The following SEC22C variants were observed in gnomAD, a reference collection of about 807,000 sequenced individuals.
SEC22C encodes the protein vesicle-trafficking protein SEC22c.
Under a neutral mutation model 34.7 loss-of-function variants are expected in SEC22C, and 29 were observed. The ratio of observed to expected loss-of-function variants is 0.84; its 90% CI spans 0.62 to 1.14. SEC22C has a LOEUF of 1.14. SEC22C is among the 50% of genes most tolerant of loss of function. The probability of loss-of-function intolerance (pLI) is 0.00; values close to 1 mark genes in which losing one functional copy is unlikely to be tolerated. For missense variants in SEC22C, 337 were observed against 369.0 expected, an observed-to-expected ratio of 0.91 and a Z score of 0.71; for synonymous variants, 117 against 132.8, an observed-to-expected ratio of 0.88 and a Z score of 0.82.
At chr3:42,596,296 A>G (rs1194400844) in intron 1 of SEC22C, among the ~76,000 whole-genome samples, 1 of 152,178 alleles carries the variant, frequency 6.6e-6, no homozygotes, top group Non-Finnish European at 1.5e-5. Flanking sequence ...TGCTGGGATT[A>G]CAGGCGTAAG....
chr3:42,591,025 C>T, intron 1 of SEC22C: 1 of 1,532,590 alleles, frequency 6.5e-7, no homozygotes, highest in Non-Finnish European at 8.8e-7. Flanking sequence ...CGAGGGGCTG[C>T]GGGGTGCGAG....
In SEC22C at chr3:42,568,715, T is replaced by C. The variant is rs181243206; in HGVS notation, c.182+150A>G. ...GCTCTAAGAAAACCCATTTCTTTTA[T>C]GATTCTGTTGTAGACACACATGATC... is the stretch of plus-strand genomic sequence containing the variant. On this transcript the variant is annotated intron_variant, in intron 2 of 6. Coordinates refer to ENST00000264454, the MANE Select transcript of SEC22C (RefSeq NM_032970.4). 5.1e-6 allele frequency: 3 copies of C among 583,978 alleles called. No individual in the cohort carries two copies. In the African/African-American group the frequency reaches 5.7e-5, roughly 11 times the overall value. 36.2% of individuals were successfully genotyped at this position (583,978 alleles called of 1,614,324 possible). A position where few individuals can be genotyped will look rare whatever the true frequency, so the allele number is the denominator to read the frequency against.
At chr3:42,593,412 G>A (rs1276071351) in intron 1 of SEC22C, among the ~76,000 whole-genome samples, 5 of 152,106 alleles carry the variant, frequency 3.3e-5, no homozygotes, top group African/African-American at 1.2e-4. Flanking sequence ...GCAAGACTCC[G>A]TCTCAATAAA....
chr3:42,590,941 A>G, intron 1 of SEC22C: 1 of 1,587,694 alleles, frequency 6.3e-7, no homozygotes, highest in Non-Finnish European at 8.6e-7. Flanking sequence ...GGCAAGGCGG[A>G]AGTCAATCAA....
At chr3:42,578,898 C>T (rs770788333) in intron 1 of SEC22C, among the ~76,000 whole-genome samples, 4 of 152,176 alleles carry the variant, frequency 2.6e-5, no homozygotes, top group African/African-American at 4.8e-5. Context: ...AGCTCCTTTA[C>T]TACATCACAT....
chr3:42,591,098 G>A (rs1200229942), intron 1 of SEC22C: 1 of 1,019,282 alleles, frequency 9.8e-7, no homozygotes, highest in Non-Finnish European at 1.5e-6. Context: ...CCGGGGTGCG[G>A]GGTGAGATGG....
At chr3:42,592,055 GACAA>G (rs1167639062) in intron 1 of SEC22C, among the ~76,000 whole-genome samples, 7 of 152,208 alleles carry the variant, frequency 4.6e-5, no homozygotes, top group Admixed American at 2.6e-4. Context: ...CACACACAAA[GACAA>G]ACAAAGGATT....
In SEC22C at chr3:42,563,578, G is replaced by A; in HGVS notation, c.291C>T (p.Ser97=). 1.2e-6 allele frequency: 2 copies of A among 1,614,178 alleles called. No homozygotes were observed. Among genetic ancestry groups the A allele is most frequent in the South Asian group, 1.1e-5 (1 of 91,082 alleles). The change falls in exon 3 of 7, where the codon TCC becomes TCT. Residue 97 remains serine, a synonymous_variant. Transcript: ENST00000264454. The part of the protein sequence containing the change: ...LETLWWEFTA[S]YDTTCIGLAS... ...CTAGGCCAATGCAGGTAGTGTCATA[G>A]GAAGCTGTGAATTCCCACCACAGGG...
intron 5 of SEC22C, among the ~76,000 whole-genome samples, chr3:42,556,277 G>A (rs1702523044): frequency 6.6e-6 from 1 of 152,198 alleles, no homozygotes; most frequent in Non-Finnish European, 1.5e-5. Flanking sequence ...CTAAGCATCT[G>A]TTAAGACCTA....
chr3:42,591,856 C>G (rs566525334), intron 1 of SEC22C, among the ~76,000 whole-genome samples: 77 of 152,186 alleles, frequency 5.1e-4, no homozygotes, highest in Non-Finnish European at 1.0e-3. Context: ...TCACTCAAAG[C>G]TATGCCGGCT....
intron 1 of SEC22C, among the ~76,000 whole-genome samples, chr3:42,595,986 C>G (rs1258680519): frequency 6.6e-6 from 1 of 151,874 alleles, no homozygotes; most frequent in Non-Finnish European, 1.5e-5. Context: ...CTGGCTCTTT[C>G]TTTTTTCTTT....
Position 42,548,870 on chromosome 3 carries a change from T to A in SEC22C, c.*4378A>T. ...AAAACCTTCATGTACCAGGTGAATGTAAAGCCTTTCTCCTCCCACACACAA... is the reference window on the plus strand; with the variant it reads ...AAAACCTTCATGTACCAGGTGAATGAAAAGCCTTTCTCCTCCCACACACAA... On this transcript the variant is annotated 3_prime_UTR_variant, in exon 7 of 7. Transcript: ENST00000264454. 7.2e-7 allele frequency: 1 copy of A among 1,384,562 alleles called. No homozygotes were observed. The highest frequency in any genetic ancestry group is 1.4e-5 in the African/African-American group (1 of 68,994). 85.8% of individuals were successfully genotyped at this position (1,384,562 alleles called of 1,614,324 possible). A position where few individuals can be genotyped will look rare whatever the true frequency, so the allele number is the denominator to read the frequency against.
chr3:42,590,300 T>C (rs1248862697), intron 1 of SEC22C, among the ~76,000 whole-genome samples: 1 of 152,152 alleles, frequency 6.6e-6, no homozygotes, highest in East Asian at 1.9e-4. Flanking sequence ...ACAATGGATC[T>C]GAAGCCATGT....
At chr3:42,590,720 G>T in intron 1 of SEC22C, 1 of 698,218 alleles carries the variant, frequency 1.4e-6, no homozygotes, top group East Asian at 2.6e-5. Context: ...CGCCCCCGGC[G>T]TTCTGGGGGC....
chr3:42,571,181 A>G (rs1703603964), intron 1 of SEC22C, among the ~76,000 whole-genome samples: 6 of 152,204 alleles, frequency 3.9e-5, no homozygotes, highest in Admixed American at 3.9e-4. Flanking sequence ...GACATTTCCA[A>G]GCGATGGTAA....
At chr3:42,560,739 G>A (rs1702850036) in intron 4 of SEC22C, among the ~76,000 whole-genome samples, 1 of 151,978 alleles carries the variant, frequency 6.6e-6, no homozygotes, top group African/African-American at 2.4e-5. Flanking sequence ...CCCGGGCTCA[G>A]GTGATTCCCC....
chr3:42,556,958 T>A (rs558518599), intron 5 of SEC22C, among the ~76,000 whole-genome samples: 1 of 152,130 alleles, frequency 6.6e-6, no homozygotes, highest in Non-Finnish European at 1.5e-5. Flanking sequence ...CCTGACCTCA[T>A]GTGATCCACC....
intron 1 of SEC22C, among the ~76,000 whole-genome samples, chr3:42,595,615 A>T (rs548540457): frequency 6.6e-6 from 1 of 152,348 alleles, no homozygotes; most frequent in East Asian, 1.9e-4. Context: ...TTTCTAATTT[A>T]TCATTCTTTC....
intron 6 of SEC22C, among the ~76,000 whole-genome samples, chr3:42,555,395 G>T (rs993715116): frequency 4.6e-5 from 7 of 151,878 alleles, no homozygotes; most frequent in Non-Finnish European, 7.4e-5. Context: ...TTGCTATGTT[G>T]CCCTGGTTGG....
Sources: gnomAD v4.1 joint callset for allele counts (sites outside exome capture counted in the v4.1 genomes callset) on GRCh38, gnomAD v4.1.1 for gene constraint, MANE v1.5 for transcripts, NCBI Gene and HGNC (gene_info 2026-07-23, HGNC 2026-07-21) for gene names.